Variants in CIMAP1A observed in about 807,000 individuals in gnomAD.
The protein encoded by CIMAP1A is ciliary microtubule associated protein 1A, also known as cancer/testis antigen 135.
At chr11:199,408 G>A in the CIMAP1A span, 2 of 1,575,334 alleles carry the variant, frequency 1.3e-6, no homozygotes, top group Non-Finnish European at 8.6e-7. Flanking sequence ...TGATGTGCGG[G>A]TGACCAAGTT....
the CIMAP1A span, chr11:200,076 G>C: frequency 1.2e-6 from 2 of 1,600,534 alleles, no homozygotes; most frequent in Non-Finnish European, 1.7e-6. Context: ...ATCTACACAA[G>C]ATCCGCCGGG....
the CIMAP1A span, chr11:197,404 C>A: frequency 6.2e-7 from 1 of 1,601,850 alleles, no homozygotes. Context: ...CCTGATTCCA[C>A]CAACAACAGG....
At chr11:199,381 G>A in the CIMAP1A span, 628 of 1,572,316 alleles carry the variant, frequency 4.0e-4, 2 homozygotes, top group Middle Eastern at 5.0e-4. Context: ...CCCAGGTCCC[G>A]CAGCCTACCG....
chr11:197,470 C>A, the CIMAP1A span: 2 of 1,590,876 alleles, frequency 1.3e-6, no homozygotes, highest in Non-Finnish European at 1.7e-6. Flanking sequence ...AGGTGGGGGT[C>A]CCGGGAAGGG....
chr11:198,627 C>A, the CIMAP1A span: 1 of 1,564,612 alleles, frequency 6.4e-7, no homozygotes, highest in South Asian at 1.2e-5. Flanking sequence ...CACCCCCAAC[C>A]ATCTGAACCC....
chr11:197,741 C>A, the CIMAP1A span: 3 of 1,613,686 alleles, frequency 1.9e-6, no homozygotes, highest in East Asian at 2.2e-5. Context: ...CAAACCAAGA[C>A]CATGCTGACT....
chr11:199,006 A>C, the CIMAP1A span: 6 of 1,189,184 alleles, frequency 5.0e-6, no homozygotes, highest in Non-Finnish European at 1.0e-6. Context: ...TGAGATGGGG[A>C]AGCAGCATCA....
the CIMAP1A span, chr11:198,997 G>T: frequency 8.4e-7 from 1 of 1,190,742 alleles, no homozygotes; most frequent in Non-Finnish European, 1.0e-6. Context: ...TGAGGGGCCT[G>T]AGATGGGGAA....
chr11:197,588 T>C, the CIMAP1A span: 1 of 1,613,316 alleles, frequency 6.2e-7, no homozygotes, highest in Non-Finnish European at 8.5e-7. Flanking sequence ...CCCACCAAGC[T>C]GCGTGCACCG....
chr11:198,410 A>G, the CIMAP1A span: 8 of 1,612,976 alleles, frequency 5.0e-6, no homozygotes, highest in African/African-American at 1.3e-5. Flanking sequence ...GGAGAGCCCC[A>G]GGGAAGGAGC....
At chr11:197,925 GA>G in the CIMAP1A span, 13 of 1,500,460 alleles carry the variant, frequency 8.7e-6, no homozygotes, top group Non-Finnish European at 1.2e-5. Context: ...TGCCTGGGCA[GA>G]GAAGACTCTG....
At chr11:199,579 A>G in the CIMAP1A span, 1 of 1,358,922 alleles carries the variant, frequency 7.4e-7, no homozygotes. Flanking sequence ...TGTGTAGGAA[A>G]GAGCAGGGAG....
the CIMAP1A span, chr11:198,557 T>C: frequency 1.9e-6 from 3 of 1,608,794 alleles, no homozygotes; most frequent in African/African-American, 1.3e-5. Flanking sequence ...CGCAGCAAGC[T>C]GGGCGGCTTC....
At chr11:197,811 C>A in the CIMAP1A span, 40 of 1,587,334 alleles carry the variant, frequency 2.5e-5, no homozygotes, top group South Asian at 4.4e-4. Flanking sequence ...CAGGCCTGCC[C>A]CTCCCTGCTG....
At chr11:199,157 G>T in the CIMAP1A span, 1 of 1,414,914 alleles carries the variant, frequency 7.1e-7, no homozygotes, top group Non-Finnish European at 9.2e-7. Context: ...GCCAGCGTGA[G>T]GCTGAAATGG....
chr11:199,183 C>T, the CIMAP1A span: 1 of 1,429,394 alleles, frequency 7.0e-7, no homozygotes, highest in Non-Finnish European at 9.1e-7. Flanking sequence ...GTGACCCCCA[C>T]ATGAGGTACC....
At chr11:198,635 C>T in the CIMAP1A span, 6 of 1,559,430 alleles carry the variant, frequency 3.8e-6, no homozygotes, top group East Asian at 1.4e-4. Flanking sequence ...ACCATCTGAA[C>T]CCTCCCCCGG....
chr11:197,197 ACC>A, the CIMAP1A span: 16 of 729,118 alleles, frequency 2.2e-5, no homozygotes, highest in East Asian at 4.2e-4. Context: ...CGCAGGTCTT[ACC>A]CTTCAGTGTC....
chr11:199,302 C>T, the CIMAP1A span: 1 of 1,538,140 alleles, frequency 6.5e-7, no homozygotes, highest in Non-Finnish European at 8.8e-7. Context: ...CCTGAGTTTG[C>T]TCCCTGTCCT....
Sources: allele counts gnomAD v4.1 joint callset, GRCh38; gene constraint gnomAD v4.1.1; transcripts MANE v1.5; gene names NCBI Gene and HGNC (gene_info 2026-07-23, HGNC 2026-07-21).